Variants in JAK2 observed in about 807,000 individuals in gnomAD.
JAK2 encodes the protein Janus kinase 2, also known as tyrosine-protein kinase JAK2.
In JAK2, 86 loss-of-function variants were observed where a neutral mutation model predicts 139.3. The ratio of observed to expected loss-of-function variants is 0.62; its 90% CI spans 0.52 to 0.74. JAK2 has a LOEUF of 0.74. Ranked by LOEUF, JAK2 falls within the 30% of genes least tolerant of loss-of-function variation. JAK2 has a pLI of 0.00. For synonymous variants in JAK2, 490 were observed against 437.7 expected (o/e 1.12, Z -1.49); for missense variants, 1,421 against 1,360.3 (o/e 1.04, Z -0.70).
chr9:5,083,361 G>A (rs1292948656), intron 19 of JAK2, among the ~76,000 whole-genome samples: 4 of 152,144 alleles, frequency 2.6e-5, no homozygotes, highest in Non-Finnish European at 5.9e-5. Flanking sequence ...ATAGTGGTAA[G>A]CTCTTTCTCG....
Position 5,128,430 on chromosome 9 carries a change from A to T in JAK2, c.*1639A>T, listed in dbSNP as rs1401315621. ...AGACTCCTCAAGGATTTGTATATGC[A>T]ACACAGTAAGGAGATCTTCCATTTT... On this transcript the variant is annotated 3_prime_UTR_variant, in exon 25 of 25. Transcript: ENST00000381652. 5.3e-5 allele frequency among the ~76,000 whole-genome samples: 8 copies of T among 151,810 alleles called. No homozygotes were observed. Among genetic ancestry groups the T allele is most frequent in the Admixed American group, 2.0e-4 (3 of 15,250 alleles).
At chr9:5,085,353 G>A (rs576347367) in intron 19 of JAK2, 25 of 892,588 alleles carry the variant, frequency 2.8e-5, no homozygotes, top group South Asian at 2.7e-4. Context: ...CATTTTTTCC[G>A]TACTGATAGG....
chr9:5,109,865 C>A (rs571472061), intron 22 of JAK2: 9 of 152,244 alleles, frequency 5.9e-5, no homozygotes, highest in Admixed American at 4.6e-4. Context: ...AATATTCCAC[C>A]AACAAACTCT....
In JAK2 at chr9:5,085,106, G is replaced by A. The variant is rs548054695; in HGVS notation, c.2571+3245G>A. 9.1e-6 allele frequency: 6 copies of A among 656,188 alleles called. No homozygotes were observed. The East Asian group carries it at 1.4e-4, about 16-fold the overall frequency. The allele number at this position is 656,188 out of a possible 1,614,324, so 40.6% of individuals were successfully genotyped here. ...GCTTCATGGCAGTACTGCTGGGCAA[G>A]GTAGGTTGTTTGTTTTACACCATCA... is the stretch of plus-strand genomic sequence containing the variant. On this transcript the variant is annotated intron_variant, in intron 19 of 24. Coordinates refer to ENST00000381652, the MANE Select transcript of JAK2 (RefSeq NM_004972.4).
At chr9:5,018,868 A>G (rs192195898) in intron 2 of JAK2, among the ~76,000 whole-genome samples, 1 of 152,170 alleles carries the variant, frequency 6.6e-6, no homozygotes, top group East Asian at 1.9e-4. Context: ...GATTCTGCTG[A>G]GAAATCTGCT....
chr9:5,067,601 A>G (rs1818656116), intron 10 of JAK2, among the ~76,000 whole-genome samples: 1 of 152,054 alleles, frequency 6.6e-6, no homozygotes, highest in South Asian at 2.1e-4. Context: ...ATTTCAAAGT[A>G]TCCTGTTACT....
At chr9:5,113,050 C>T (rs1451084411) in intron 22 of JAK2, among the ~76,000 whole-genome samples, 1 of 152,082 alleles carries the variant, frequency 6.6e-6, no homozygotes, top group African/African-American at 2.4e-5. Context: ...GACGCTGGGT[C>T]CAGGAGCTCC....
In JAK2 at chr9:5,023,678, C is replaced by G. The variant is rs1018815309; in HGVS notation, c.226+1465C>G. ...GGCTGGGCAGGCTGTCTTGTTTCGT[C>G]TCCTTCCTTGCTTTTCTGTTGAATA... On this transcript the variant is annotated intron_variant, in intron 3 of 24. Coordinates refer to ENST00000381652, the MANE Select transcript of JAK2 (RefSeq NM_004972.4). 9.8e-5 allele frequency among the ~76,000 whole-genome samples: 15 copies of G among 152,286 alleles called. 1 individual carries two copies. The South Asian group carries it at 2.9e-3, about 29-fold the overall frequency.
chr9:5,058,300 G>A (rs1027999817), intron 8 of JAK2, among the ~76,000 whole-genome samples: 4 of 152,156 alleles, frequency 2.6e-5, no homozygotes, highest in African/African-American at 7.2e-5. Flanking sequence ...GTTCGGCATG[G>A]CTGGCCCAGG....
intron 22 of JAK2, chr9:5,091,266 TTACTTGGGTGGTA>T (rs1820550716): frequency 6.1e-6 from 1 of 164,780 alleles, no homozygotes; most frequent in Non-Finnish European, 1.3e-5. Flanking sequence ...TCTTTTTTAT[TTACTTGGGTGGTA>T]TAATGGTTAT....
In JAK2 at chr9:5,128,810, C is replaced by T. The variant is rs780177253; in HGVS notation, c.*2019C>T. The stretch of plus-strand genomic sequence containing the variant: ...CTGTAGTTATTAAGTTGGTTCTGTA[C>T]AAGAAACAGGTAAGTAATTATTGTA... On this transcript the variant is annotated 3_prime_UTR_variant, in exon 25 of 25. Transcript: ENST00000381652. 5.3e-5 allele frequency among the ~76,000 whole-genome samples: 8 copies of T among 151,832 alleles called. No homozygotes were observed. The highest frequency in any genetic ancestry group is 8.8e-5 in the Non-Finnish European group (6 of 67,822).
intron 2 of JAK2, among the ~76,000 whole-genome samples, chr9:4,988,468 C>T (rs914705445): frequency 5.3e-5 from 8 of 152,218 alleles, no homozygotes; most frequent in Non-Finnish European, 1.0e-4. Context: ...GACATAACTA[C>T]TAAGTAAGTT....
intron 2 of JAK2, among the ~76,000 whole-genome samples, chr9:4,992,165 T>G (rs918333428): frequency 6.6e-6 from 1 of 152,120 alleles, no homozygotes; most frequent in Non-Finnish European, 1.5e-5. Context: ...TTCACTCACA[T>G]GATGGGTAGT....
chr9:5,019,994 C>T (rs569262872), intron 2 of JAK2, among the ~76,000 whole-genome samples: 2 of 152,138 alleles, frequency 1.3e-5, no homozygotes, highest in Non-Finnish European at 2.9e-5. Context: ...TTAGTGGGTC[C>T]AGGCAGTCCA....
chr9:5,041,464 C>G (rs1816505223), intron 4 of JAK2: 1 of 607,468 alleles, frequency 1.6e-6, no homozygotes. Context: ...GGCAGGGGCT[C>G]AAGGCTGACA....
At chr9:5,110,154 C>A (rs1336234720) in intron 22 of JAK2, 1 of 152,222 alleles carries the variant, frequency 6.6e-6, no homozygotes, top group African/African-American at 2.4e-5. Context: ...CGGCCTCCAT[C>A]CCTGACTTCC....
In JAK2 at chr9:5,081,135, T is replaced by C. The variant is rs916693766; in HGVS notation, c.2434+452T>C. On this transcript the variant is annotated intron_variant, in intron 18 of 24. Coordinates refer to ENST00000381652, the MANE Select transcript of JAK2 (RefSeq NM_004972.4). ...TGGTCTCGATCTCCTGATCTTGTGATCCGCCCGCCTCGGCCTCCCAAAGTG... is the reference window on the plus strand; with the variant it reads ...TGGTCTCGATCTCCTGATCTTGTGACCCGCCCGCCTCGGCCTCCCAAAGTG... Among the ~76,000 whole-genome samples the C allele has an allele frequency of 5.1e-3, 772 of 152,056 alleles. 6 individuals are homozygous for C. Among genetic ancestry groups the C allele is most frequent in the Non-Finnish European group, 7.9e-3 (533 of 67,898 alleles).
At chr9:5,013,880 A>G (rs1821876249) in intron 2 of JAK2, among the ~76,000 whole-genome samples, 1 of 152,176 alleles carries the variant, frequency 6.6e-6, no homozygotes, top group South Asian at 2.1e-4. Flanking sequence ...ATTTTATTAT[A>G]CAAGTGAGGA....
In JAK2 at chr9:5,128,695, A is replaced by G. The variant is rs559939928; in HGVS notation, c.*1904A>G. Among the ~76,000 whole-genome samples the G allele has an allele frequency of 6.6e-6, 1 of 152,082 alleles. No individual in the cohort carries two copies. Among genetic ancestry groups the G allele is most frequent in the East Asian group, 1.9e-4 (1 of 5,190 alleles). ...TAGAATGGGGTGACTACCTTATTAT[A>G]AAATTCCAAGTTTCCAAGAGACTTC... On this transcript the variant is annotated 3_prime_UTR_variant, in exon 25 of 25. Transcript: ENST00000381652.
Sources: gnomAD v4.1 joint callset for allele counts (sites outside exome capture counted in the v4.1 genomes callset) on GRCh38, gnomAD v4.1.1 for gene constraint, MANE v1.5 for transcripts, NCBI Gene and HGNC (gene_info 2026-07-23, HGNC 2026-07-21) for gene names.